SLC9D1: variants seen among roughly 807,000 people sequenced by gnomAD.
SLC9D1 encodes putative LAG1-interacting protein.
the SLC9D1 span, among the ~76,000 whole-genome samples, chr13:113,506,764 T>C: frequency 6.6e-6 from 1 of 152,120 alleles, no homozygotes; most frequent in Admixed American, 6.5e-5. Context: ...ATTTTCATAG[T>C]TTGTATTTTT....
At chr13:113,498,654 C>A in the SLC9D1 span, 1 of 683,334 alleles carries the variant, frequency 1.5e-6, no homozygotes, top group Non-Finnish European at 2.3e-6. Context: ...GCTTCTCTGT[C>A]GTAGAGAAAA....
chr13:113,547,192 G>A, the SLC9D1 span: 7,588 of 856,834 alleles, frequency 8.9e-3, 303 homozygotes, highest in African/African-American at 0.096. Context: ...GAGGATTTAG[G>A]ATTTTAATTC....
At chr13:113,500,270 T>C in the SLC9D1 span, 2 of 506,680 alleles carry the variant, frequency 3.9e-6, no homozygotes, top group Non-Finnish European at 6.5e-6. Context: ...TTTACTAGAA[T>C]TCCGTACATT....
chr13:113,502,558 G>A, the SLC9D1 span, among the ~76,000 whole-genome samples: 3 of 152,308 alleles, frequency 2.0e-5, no homozygotes, highest in South Asian at 4.1e-4. Context: ...TGGAAAAGCT[G>A]ATTAGCCCCA....
the SLC9D1 span, among the ~76,000 whole-genome samples, chr13:113,525,940 G>T: frequency 2.7e-5 from 4 of 150,442 alleles, no homozygotes; most frequent in Non-Finnish European, 5.9e-5. Flanking sequence ...GCTCTGTGCC[G>T]GTTATTCTAG....
At chr13:113,549,442 G>A in the SLC9D1 span, 3 of 1,613,892 alleles carry the variant, frequency 1.9e-6, no homozygotes, top group African/African-American at 4.0e-5. Flanking sequence ...TCCTTATACT[G>A]AGTGTGACCA....
chr13:113,527,630 A>T, the SLC9D1 span: 2 of 152,070 alleles, frequency 1.3e-5, no homozygotes, highest in Non-Finnish European at 2.9e-5. Flanking sequence ...CAGAAATTGT[A>T]TTACCATACA....
chr13:113,513,915 G>A, the SLC9D1 span, among the ~76,000 whole-genome samples: 4 of 152,308 alleles, frequency 2.6e-5, no homozygotes, highest in South Asian at 2.1e-4. Context: ...AGGATGTCCC[G>A]GTGGATAGCA....
chr13:113,536,127 C>T, the SLC9D1 span, among the ~76,000 whole-genome samples: 1 of 152,158 alleles, frequency 6.6e-6, no homozygotes, highest in Non-Finnish European at 1.5e-5. Context: ...CCTGTAATCG[C>T]AGCACTTTGG....
chr13:113,522,409 G>A, the SLC9D1 span, among the ~76,000 whole-genome samples: 2 of 152,220 alleles, frequency 1.3e-5, no homozygotes, highest in Middle Eastern at 6.8e-3. Flanking sequence ...GGCACGATCT[G>A]GGCTCACTGC....
At chr13:113,538,481 CAT>C in the SLC9D1 span, among the ~76,000 whole-genome samples, 511 of 152,346 alleles carry the variant, frequency 3.4e-3, no homozygotes, top group African/African-American at 9.5e-3. Context: ...GTTTCACACA[CAT>C]GAGTCTCTTG....
chr13:113,521,226 A>G, the SLC9D1 span, among the ~76,000 whole-genome samples: 1 of 146,124 alleles, frequency 6.8e-6, no homozygotes, highest in African/African-American at 2.5e-5. Flanking sequence ...GTGGGGGGGC[A>G]TGTGTCTGCA....
At chr13:113,496,070 G>C in the SLC9D1 span, 3 of 1,350,364 alleles carry the variant, frequency 2.2e-6, no homozygotes, top group Non-Finnish European at 2.0e-6. Context: ...GAGGGAGAGA[G>C]AGGTGAAGAG....
the SLC9D1 span, among the ~76,000 whole-genome samples, chr13:113,542,692 A>G: frequency 6.6e-6 from 1 of 152,200 alleles, no homozygotes; most frequent in Admixed American, 6.5e-5. Flanking sequence ...TGGAATCACA[A>G]GGGATCTGGT....
At chr13:113,491,651 C>T in the SLC9D1 span, among the ~76,000 whole-genome samples, 2 of 152,228 alleles carry the variant, frequency 1.3e-5, no homozygotes, top group Non-Finnish European at 2.9e-5. Context: ...CTTGCCTAGG[C>T]GCTCTTCGCT....
the SLC9D1 span, among the ~76,000 whole-genome samples, chr13:113,515,763 C>T: frequency 1.3e-5 from 2 of 151,488 alleles, no homozygotes; most frequent in Admixed American, 6.6e-5. Context: ...TGGTGGCGGG[C>T]GCCTGTAGTC....
chr13:113,510,462 T>C, the SLC9D1 span: 2 of 1,582,018 alleles, frequency 1.3e-6, no homozygotes, highest in African/African-American at 1.3e-5. Flanking sequence ...GTCTAATTCA[T>C]GCTCGTGTGT....
At chr13:113,523,791 G>T in the SLC9D1 span, among the ~76,000 whole-genome samples, 1 of 152,012 alleles carries the variant, frequency 6.6e-6, no homozygotes, top group Non-Finnish European at 1.5e-5. Flanking sequence ...TGTTTTAGCC[G>T]CATCTCATAT....
chr13:113,548,829 ACT>A, the SLC9D1 span, among the ~76,000 whole-genome samples: 1 of 152,216 alleles, frequency 6.6e-6, no homozygotes, highest in Admixed American at 6.5e-5. Flanking sequence ...TCCTGTGGAC[ACT>A]GAGATGGCCC....
Sources: allele counts gnomAD v4.1 joint callset (sites outside exome capture counted in the v4.1 genomes callset), GRCh38; gene constraint gnomAD v4.1.1; transcripts MANE v1.5; gene names NCBI Gene and HGNC (gene_info 2026-07-23, HGNC 2026-07-21).